SHANK2: variants seen among roughly 807,000 people sequenced by gnomAD.
The protein encoded by SHANK2 is SH3 and multiple ankyrin repeat domains 2.
In SHANK2, 43 loss-of-function variants were observed where a neutral mutation model predicts 133.7. The ratio of observed to expected loss-of-function variants is 0.32; its 90% CI spans 0.25 to 0.41. SHANK2 has a LOEUF of 0.41. Ranked by LOEUF, SHANK2 falls within the 10% of genes least tolerant of loss-of-function variation. SHANK2 has a pLI of 1.00. For synonymous variants in SHANK2, 1,017 were observed against 952.8 expected (o/e 1.07, Z -1.24); for missense variants, 1,994 against 2,235.8 (o/e 0.89, Z 2.18).
chr11:70,945,008 C>T (rs1950703020), intron 10 of SHANK2, among the ~76,000 whole-genome samples: 1 of 152,170 alleles, frequency 6.6e-6, no homozygotes, highest in African/African-American at 2.4e-5. Context: ...TTCTGTTCCC[C>T]AAATTGTCTT....
At chr11:71,059,695 C>T (rs1221906795) in intron 9 of SHANK2, among the ~76,000 whole-genome samples, 1 of 152,220 alleles carries the variant, frequency 6.6e-6, no homozygotes, top group African/African-American at 2.4e-5. Context: ...GAACCACACC[C>T]TCTCCGGCAG....
intron 14 of SHANK2, among the ~76,000 whole-genome samples, chr11:70,699,076 G>C (rs1945464773): frequency 6.6e-6 from 1 of 152,162 alleles, no homozygotes; most frequent in Non-Finnish European, 1.5e-5. Flanking sequence ...AGAGGGCCAG[G>C]CCAGCTCAGA....
intron 14 of SHANK2, among the ~76,000 whole-genome samples, chr11:70,735,071 G>A (rs1555033195): frequency 6.6e-6 from 1 of 152,198 alleles, no homozygotes. Flanking sequence ...CCTCCATCGC[G>A]GGGTCAGTGT....
intron 17 of SHANK2, among the ~76,000 whole-genome samples, chr11:70,576,156 C>A (rs1488237765): frequency 6.6e-6 from 1 of 152,178 alleles, no homozygotes; most frequent in East Asian, 1.9e-4. Context: ...ACCTGTCCCT[C>A]AGCACTTCTT....
At chr11:70,752,515 G>A (rs1426160855) in intron 14 of SHANK2, among the ~76,000 whole-genome samples, 7 of 152,064 alleles carry the variant, frequency 4.6e-5, no homozygotes, top group African/African-American at 7.2e-5. Flanking sequence ...TCAGGAGATC[G>A]AGACCACGGT....
At position 70,473,416 on chromosome 11, in the gene SHANK2, A is replaced by G; in HGVS notation, c.5003T>C (p.Ile1668Thr). The change falls in exon 26 of 26, where the codon ATC becomes ACC. Residue 1668 changes from isoleucine to threonine, a missense_variant. Ile to Thr is a moderately conservative substitution (Grantham distance 89, BLOSUM62 -1). Coordinates refer to ENST00000601538, the MANE Select transcript of SHANK2 (RefSeq NM_012309.5). This position sits in a 1 kb window ranked among gnomAD's most constrained non-coding sequence, Gnocchi z 5.9. ...APRSPEIMST[I>T]SGTRSTTVTF... Reference sequence around the variant, plus strand: ...GACCGTCGTGCTCCGTGTACCTGAGATGGTGCTCATGATCTCCGGGCTTCT... The same window carrying G: ...GACCGTCGTGCTCCGTGTACCTGAGGTGGTGCTCATGATCTCCGGGCTTCT... 2 of 1,605,644 alleles carry G rather than the reference A, an allele frequency of 1.2e-6. No individual in the cohort carries two copies. The highest frequency in any genetic ancestry group is 1.7e-6 in the Non-Finnish European group (2 of 1,179,952).
intron 15 of SHANK2, among the ~76,000 whole-genome samples, chr11:70,690,495 T>G (rs936950844): frequency 9.7e-6 from 1 of 103,286 alleles, no homozygotes; most frequent in African/African-American, 4.8e-5. Flanking sequence ...CATGTTTTTT[T>G]TTTTTTTTTT....
intron 2 of SHANK2, among the ~76,000 whole-genome samples, chr11:71,163,093 A>AAAAACATATAT: frequency 1.2e-5 from 1 of 84,678 alleles, no homozygotes; most frequent in African/African-American, 4.6e-5. Context: ...AAAAAAAAAA[A>AAAAACATATAT]ATACATATAT....
intron 2 of SHANK2, among the ~76,000 whole-genome samples, chr11:71,221,339 A>T (rs1555121058): frequency 6.6e-6 from 1 of 152,204 alleles, no homozygotes; most frequent in Non-Finnish European, 1.5e-5. Context: ...ACAGTCTGCC[A>T]GCTTCTGGTT....
At position 71,195,882 on chromosome 11, in the gene SHANK2, A is replaced by G. The variant is rs554063001; in HGVS notation, c.-13+28815T>C. Among the ~76,000 whole-genome samples, 17 of 152,320 alleles carry G rather than the reference A, an allele frequency of 1.1e-4. No individual in the cohort carries two copies. The East Asian group carries it at 3.3e-3, about 29-fold the overall frequency. On this transcript the variant is annotated intron_variant, in intron 2 of 25. Transcript: ENST00000601538. Reference sequence around the variant, plus strand: ...TGCCTGCCATAGAGGAGAGTCAGTCATAAAAATAAATGTGATGGGCCGGGT... The same window carrying G: ...TGCCTGCCATAGAGGAGAGTCAGTCGTAAAAATAAATGTGATGGGCCGGGT...
At chr11:71,067,085 A>G (rs1951073007) in intron 9 of SHANK2, among the ~76,000 whole-genome samples, 3 of 152,118 alleles carry the variant, frequency 2.0e-5, no homozygotes, top group South Asian at 2.1e-4. Context: ...CACCCACCAG[A>G]GCTGGGGGAG....
intron 2 of SHANK2, among the ~76,000 whole-genome samples, chr11:71,192,151 A>T (rs1555115530): frequency 6.6e-6 from 1 of 152,194 alleles, no homozygotes; most frequent in Non-Finnish European, 1.5e-5. Flanking sequence ...GTGAGCCACC[A>T]CACCCGGCCT....
At chr11:70,740,725 A>G (rs1946505531) in intron 14 of SHANK2, among the ~76,000 whole-genome samples, 1 of 152,178 alleles carries the variant, frequency 6.6e-6, no homozygotes, top group South Asian at 2.1e-4. Flanking sequence ...CCCACAGCAG[A>G]GCAGCCAGAA....
chr11:70,906,731 C>G (rs183895801), intron 10 of SHANK2, among the ~76,000 whole-genome samples: 116 of 152,252 alleles, frequency 7.6e-4, no homozygotes, highest in Non-Finnish European at 1.4e-3. Flanking sequence ...GCCCAAAGAC[C>G]CCAGGGCCTG....
chr11:70,954,394 T>G lies in SHANK2; in HGVS notation c.1108-57827A>C, dbSNP rs190681497. Among the ~76,000 whole-genome samples the G allele has an allele frequency of 3.8e-3, 579 of 152,252 alleles. 4 individuals carry two copies. Among genetic ancestry groups the G allele is most frequent in the African/African-American group, 0.013 (552 of 41,532 alleles). ...CAGCATGATCAGAGGAACTGCAGAG[T>G]GCACAGCCACTGGCAGAGTGCTCTG... is the stretch of plus-strand genomic sequence containing the variant. On this transcript the variant is annotated intron_variant, in intron 10 of 25. Coordinates refer to ENST00000601538, the MANE Select transcript of SHANK2 (RefSeq NM_012309.5).
At chr11:71,200,644 C>T (rs975509447) in intron 2 of SHANK2, among the ~76,000 whole-genome samples, 16 of 152,142 alleles carry the variant, frequency 1.1e-4, no homozygotes, top group African/African-American at 3.1e-4. Flanking sequence ...CTTGCCAGGC[C>T]GTCTTCCTCA....
chr11:70,897,336 A>T (rs1318242931), intron 10 of SHANK2, among the ~76,000 whole-genome samples: 1 of 152,218 alleles, frequency 6.6e-6, no homozygotes, highest in African/African-American at 2.4e-5. Flanking sequence ...AGGCATTCAG[A>T]TGCCAGCCTG....
At chr11:71,247,726 A>G (rs1283822896) in intron 1 of SHANK2, among the ~76,000 whole-genome samples, 2 of 152,194 alleles carry the variant, frequency 1.3e-5, no homozygotes, top group East Asian at 3.9e-4. Flanking sequence ...ACGGGGAGCC[A>G]GGAGCCCTTC....
intron 17 of SHANK2, among the ~76,000 whole-genome samples, chr11:70,657,597 G>T (rs1277714673): frequency 6.6e-6 from 1 of 152,132 alleles, no homozygotes; most frequent in Non-Finnish European, 1.5e-5. Context: ...GTGTATGACT[G>T]GTGTGGAGCA....
Sources: gnomAD v4.1 joint callset for allele counts (sites outside exome capture counted in the v4.1 genomes callset) on GRCh38, gnomAD v4.1.1 for gene constraint, Gnocchi (gnomAD v3.1) non-coding constraint, MANE v1.5 for transcripts, NCBI Gene and HGNC (gene_info 2026-07-23, HGNC 2026-07-21) for gene names.